Variants in POLR3C observed in about 807,000 individuals in gnomAD.
The protein encoded by POLR3C is RNA polymerase III subunit C, also known as DNA-directed RNA polymerase III subunit RPC3.
A neutral mutation model predicts 65.9 loss-of-function variants in POLR3C; 44 were observed. The ratio of observed to expected loss-of-function variants is 0.67; its 90% confidence interval spans 0.52 to 0.86. The LOEUF (loss-of-function observed/expected upper bound fraction) is 0.86. Ranked by LOEUF, POLR3C falls within the 40% of genes least tolerant of loss-of-function variation. POLR3C has a pLI of 0.00. For synonymous variants in POLR3C, 263 were observed against 231.6 expected (o/e 1.14, Z -1.23); for missense variants, 576 against 653.2 (o/e 0.88, Z 1.29).
intron 5 of POLR3C, among the ~76,000 whole-genome samples, chr1:145,831,706 A>G (rs587619916): frequency 1.3e-5 from 2 of 152,270 alleles, no homozygotes; most frequent in South Asian, 2.1e-4. Flanking sequence ...ATCTGTGGAT[A>G]CTGAGGAAAG....
In POLR3C at chr1:145,843,750, T is replaced by G. The variant is rs1652457474; in HGVS notation, c.*1330T>G. ...AACACAGAGAGTGACAATGTATAGT[T>G]TGAAAGATGAGGATGCTTTATTTGC... On this transcript the variant is annotated 3_prime_UTR_variant, in exon 15 of 15. Transcript: ENST00000334163. Among the ~76,000 whole-genome samples, 3 of 152,134 alleles carry G rather than the reference T, an allele frequency of 2.0e-5. No homozygotes were observed. The highest frequency in any genetic ancestry group is 4.4e-5 in the Non-Finnish European group (3 of 68,030).
At position 145,826,442 on chromosome 1, in the gene POLR3C, T is replaced by C. The variant is rs2101629777; in HGVS notation, c.148-12T>C. 2.5e-6 allele frequency: 4 copies of C among 1,611,580 alleles called. No individual in the cohort carries two copies. The highest frequency in any genetic ancestry group is 3.4e-6 in the Non-Finnish European group (4 of 1,178,192). ...GTCTTTCCTCTCTTTCTTCTCTTTA[T>C]GTTCCATTTAGGTGAAGAAAGCCCT... On this transcript the variant is annotated splice_polypyrimidine_tract_variant and intron_variant, in intron 2 of 14. Transcript: ENST00000334163.
At chr1:145,839,493 A>G (rs1221639603) in intron 11 of POLR3C, 12 of 165,648 alleles carry the variant, frequency 7.2e-5, no homozygotes, top group Non-Finnish European at 1.2e-4. Flanking sequence ...TGGGAAACCA[A>G]GGCGGGATGA....
chr1:145,824,773 C>T (rs1365901395), intron 1 of POLR3C, among the ~76,000 whole-genome samples: 2 of 152,056 alleles, frequency 1.3e-5, no homozygotes, highest in African/African-American at 2.4e-5. Context: ...TTTGACACAC[C>T]CTGTTGAGAA....
intron 4 of POLR3C, among the ~76,000 whole-genome samples, chr1:145,827,288 G>A (rs1271514928): frequency 1.3e-5 from 2 of 152,134 alleles, no homozygotes; most frequent in Non-Finnish European, 2.9e-5. Context: ...GCATTAATCA[G>A]AAAATCACAT....
rs112169293 is a variant in POLR3C at position 145,825,714 on chromosome 1, G to A, written c.-20-43G>A. The A allele has an allele frequency of 1.7e-4, 227 of 1,335,108 alleles. 3 individuals are homozygous for A. In the African/African-American group the frequency reaches 1.8e-3, roughly 11 times the overall value. The allele number at this position is 1,335,108 out of a possible 1,614,324, so 82.7% of individuals were successfully genotyped here. On this transcript the variant is annotated intron_variant, in intron 1 of 14. Transcript: ENST00000334163. The stretch of plus-strand genomic sequence containing the variant: ...TACACTCAGCAGCTCTGCTTCCAGC[G>A]TGAAAGACTTTCTATTGTACCATTT...
At chr1:145,826,334 G>T in intron 2 of POLR3C, 120 bp from the exon 3 acceptor site, 1 of 755,880 alleles carries the variant, frequency 1.3e-6, no homozygotes, top group South Asian at 1.7e-5. Context: ...GAGGAAATAA[G>T]TGCAGAAATT....
chr1:145,841,142 C>A, intron 14 of POLR3C, 71 bp downstream of exon 14: 2 of 1,342,454 alleles, frequency 1.5e-6, no homozygotes, highest in East Asian at 2.3e-5. Flanking sequence ...CTCCTGTAAC[C>A]CTCCAGCTTA....
Position 145,824,271 on chromosome 1 carries a change from C to T in POLR3C, c.-119C>T, listed in dbSNP as rs1650505472. ...TCCGCGTCCTAGAAAGGGCGGTGGG[C>T]TCCACCTCGGCCTAGAAGGCCAGCG... On this transcript the variant is annotated 5_prime_UTR_variant, in exon 1 of 15. Transcript: ENST00000334163. The T allele has an allele frequency of 5.2e-5, 15 of 289,416 alleles. No individual in the cohort carries two copies. Among genetic ancestry groups the T allele is most frequent in the South Asian group, 3.7e-4 (13 of 35,378 alleles). The allele number at this position is 289,416 out of a possible 1,614,324, so 17.9% of individuals were successfully genotyped here. A position where few individuals can be genotyped will look rare whatever the true frequency, so the allele number is the denominator to read the frequency against.
At position 145,826,635 on chromosome 1, in the gene POLR3C, T is replaced by C. The variant is rs782238518; in HGVS notation, c.329T>C (p.Leu110Pro). The change falls in exon 3 of 15, where the codon CTT (leucine) becomes CCT (proline). Residue 110 changes from leucine (L) to proline (P), a missense_variant. By Grantham distance (98) the Leu-to-Pro change is moderately conservative. Coordinates refer to ENST00000334163, the MANE Select transcript of POLR3C (RefSeq NM_006468.8). ...SDTGELIVEE[L>P]LLNGKLTMSA... ...ACTGGAGAGCTGATTGTTGAGGAGCTTCTGTTGAACGGCAAACTGACAATG... is the reference window on the plus strand; with the variant it reads ...ACTGGAGAGCTGATTGTTGAGGAGCCTCTGTTGAACGGCAAACTGACAATG... 1 of 1,614,150 alleles carries C rather than the reference T, an allele frequency of 6.2e-7. No homozygotes were observed. Among genetic ancestry groups the C allele is most frequent in the South Asian group, 1.1e-5 (1 of 91,080 alleles).
At chr1:145,836,890 A>G (rs1559150252) in intron 9 of POLR3C, 24 bp downstream of exon 9, 1 of 1,362,644 alleles carries the variant, frequency 7.3e-7, no homozygotes, top group Admixed American at 1.9e-5. Flanking sequence ...TTATTTCCTT[A>G]GAGTCAGGCA....
intron 5 of POLR3C, 81 bp downstream of exon 5, chr1:145,828,918 T>G: frequency 1.3e-6 from 1 of 759,192 alleles, no homozygotes; most frequent in South Asian, 1.5e-5. Flanking sequence ...CAAGAGAGCT[T>G]AAAGCTTCCT....
At chr1:145,829,611 G>A (rs782448400) in intron 5 of POLR3C, among the ~76,000 whole-genome samples, 2 of 152,146 alleles carry the variant, frequency 1.3e-5, no homozygotes, top group Admixed American at 1.3e-4. Context: ...TCCAAGGTAC[G>A]GGCTAGGAAG....
At chr1:145,831,935 G>A (rs1474886568) in intron 5 of POLR3C, among the ~76,000 whole-genome samples, 2 of 152,048 alleles carry the variant, frequency 1.3e-5, no homozygotes, top group African/African-American at 4.8e-5. Flanking sequence ...CAGCTGCTTG[G>A]GAGGCTGAGA....
chr1:145,837,975 T>C (rs1445708894), intron 10 of POLR3C, 81 bp from the exon 11 acceptor site: 6 of 1,304,374 alleles, frequency 4.6e-6, no homozygotes, highest in Non-Finnish European at 6.6e-6. Flanking sequence ...ACACATGGAA[T>C]AGAACAACCA....
At position 145,833,508 on chromosome 1, in the gene POLR3C, C is replaced by G. The variant is rs782513382; in HGVS notation, c.802C>G (p.Arg268Gly). 2 of 1,613,140 alleles carry G rather than the reference C, an allele frequency of 1.2e-6. No individual in the cohort carries two copies. The highest frequency in any genetic ancestry group is 4.5e-5 in the East Asian group (2 of 44,878). The change falls in exon 7 of 15, where the codon CGA (arginine) becomes GGA (glycine). Residue 268 changes from arginine to glycine, a missense_variant. Transcript: ENST00000334163. ...CAAACAGACAAGCAGCGAGATTGTG[C>G]GAACCATGCTCCGAATGAGTGAGAT... is the stretch of plus-strand genomic sequence containing the variant. ...RMDQTSSEIV[R>G]TMLRMSEITT...
chr1:145,839,828 T>G, intron 11 of POLR3C, 62 bp from the exon 12 acceptor site: 2 of 889,220 alleles, frequency 2.2e-6, no homozygotes, highest in South Asian at 1.4e-5. Flanking sequence ...AGAATGAGTG[T>G]GTGCTTTGCC....
intron 7 of POLR3C, among the ~76,000 whole-genome samples, chr1:145,835,856 G>A (rs1437711325): frequency 1.3e-5 from 2 of 152,052 alleles, no homozygotes; most frequent in Admixed American, 6.6e-5. Context: ...TTACAAAGTC[G>A]TGATCCACCA....
At chr1:145,835,009 G>A (rs1367677865) in intron 7 of POLR3C, among the ~76,000 whole-genome samples, 11 of 151,578 alleles carry the variant, frequency 7.3e-5, no homozygotes, top group African/African-American at 2.7e-4. Flanking sequence ...AGTTGGGTGT[G>A]GTGCCATATG....
Sources: gnomAD v4.1 joint callset for allele counts (sites outside exome capture counted in the v4.1 genomes callset) on GRCh38, gnomAD v4.1.1 for gene constraint, MANE v1.5 for transcripts, NCBI Gene and HGNC (gene_info 2026-07-23, HGNC 2026-07-21) for gene names.